Variants in ESYT1 observed in about 807,000 individuals in gnomAD.
ESYT1 encodes the protein extended synaptotagmin-1.
In ESYT1, 116 loss-of-function variants were observed where a neutral mutation model predicts 154.2. That is an observed-to-expected ratio of 0.75 (90% confidence interval 0.65 to 0.88). ESYT1 has a LOEUF of 0.88. ESYT1 is among the 40% of genes least tolerant of loss of function. The pLI, the probability that ESYT1 is intolerant of heterozygous loss-of-function variation, is 0.00. For synonymous variants in ESYT1, 500 were observed against 539.9 expected (o/e 0.93, Z 1.02); for missense variants, 1,264 against 1,379.3 (o/e 0.92, Z 1.32).
chr12:56,131,608 C>T, intron 6 of ESYT1, 42 bp downstream of exon 6: 3 of 1,609,848 alleles, frequency 1.9e-6, no homozygotes, highest in Non-Finnish European at 2.5e-6. Flanking sequence ...GCAGGAGAAA[C>T]AGAGGACTGG....
rs148777795 is a variant in ESYT1 at position 56,128,456 on chromosome 12, G to C, written c.137G>C (p.Gly46Ala). 5.6e-6 allele frequency: 9 copies of C among 1,611,596 alleles called. No individual in the cohort carries two copies. The African/African-American group carries it at 1.2e-4, about 22-fold the overall frequency. The change falls in exon 1 of 31, where the codon GGC (glycine) becomes GCC (alanine). Residue 46 changes from glycine (G) to alanine (A), a missense_variant. Gly to Ala is a moderately conservative substitution (Grantham distance 60). Coordinates refer to ENST00000394048, the MANE Select transcript of ESYT1 (RefSeq NM_015292.3). ...PGSGGQPAGPGAAGEALAVLT... is the reference protein window; with the variant it reads ...PGSGGQPAGPAAAGEALAVLT... ...TCTGGGGGCCAACCTGCTGGCCCTG[G>C]CGCGGCGGGTGAGGCCCTGGCGGTG...
Position 56,132,766 on chromosome 12 carries a change from C to A in ESYT1, c.1209C>A (p.Phe403Leu). The change falls in exon 10 of 31, where the codon TTC becomes TTA. Residue 403 changes from phenylalanine (F) to leucine (L), a missense_variant. Transcript: ENST00000394048. ...GGCAGGAGATTGAAGTGGAGGTGTT[C>A]GACAAGGATCCAGATAAAGATGACT... ...VPGQEIEVEVFDKDPDKDDFL... is the reference protein window; with the variant it reads ...VPGQEIEVEVLDKDPDKDDFL... 2.5e-6 allele frequency: 4 copies of A among 1,614,036 alleles called. No homozygotes were observed. The highest frequency in any genetic ancestry group is 3.4e-6 in the Non-Finnish European group (4 of 1,180,004).
intron 24 of ESYT1, among the ~76,000 whole-genome samples, chr12:56,139,911 A>C: frequency 6.9e-6 from 1 of 144,402 alleles, no homozygotes; most frequent in Admixed American, 6.8e-5. Context: ...ACAGGGTCTT[A>C]CTCTGTCGCC....
chr12:56,129,057 C>G (rs1316148007), intron 1 of ESYT1, among the ~76,000 whole-genome samples: 1 of 152,226 alleles, frequency 6.6e-6, no homozygotes, highest in Non-Finnish European at 1.5e-5. Context: ...TTTGGTGCCA[C>G]TCGCGGCTTT....
intron 24 of ESYT1, 40 bp downstream of exon 24, chr12:56,139,053 GC>G (rs1255375387): frequency 6.6e-7 from 1 of 1,507,380 alleles, no homozygotes; most frequent in Non-Finnish European, 9.2e-7. Context: ...GCAGATTTCT[GC>G]CATGGCCAGG....
chr12:56,132,088 G>A, intron 7 of ESYT1, 121 bp from the exon 8 acceptor site: 1 of 1,476,060 alleles, frequency 6.8e-7, no homozygotes. Context: ...TAGCACAAAG[G>A]ATTTTCACAA....
chr12:56,130,304 G>A (rs1057131124), intron 1 of ESYT1: 11 of 532,234 alleles, frequency 2.1e-5, no homozygotes, highest in Non-Finnish European at 3.0e-5. Context: ...TCCTCCTCCC[G>A]CTCCTCTCTC....
intron 1 of ESYT1, among the ~76,000 whole-genome samples, chr12:56,129,982 G>A (rs554632565): frequency 6.6e-5 from 10 of 151,858 alleles, no homozygotes; most frequent in East Asian, 5.8e-4. Context: ...GCAGTGGCCC[G>A]AACTTGGCAC....
chr12:56,133,432 A>G lies in ESYT1; in HGVS notation c.1260A>G (p.Val420=). 1 of 1,614,198 alleles carries G rather than the reference A, an allele frequency of 6.2e-7. No homozygotes were observed. The highest frequency in any genetic ancestry group is 8.5e-7 in the Non-Finnish European group (1 of 1,180,036). ...CAACCCTCAGAATGAAGCTGGATGT[A>G]GGGAAGGTGTTACAGGCTAGCGTTC... ...DDFLGRMKLD[V]GKVLQASVLD... Residue 420 remains valine, a synonymous_variant, in exon 11 of 31, where the codon GTA becomes GTG. Transcript: ENST00000394048.
In ESYT1 at chr12:56,136,785, G is replaced by C. The variant is rs774059944; in HGVS notation, c.1674G>C (p.Thr558=). Residue 558 remains threonine (T), a synonymous_variant, in exon 16 of 31, where the codon ACG becomes ACC. Transcript: ENST00000394048. ...GGGCCCTGACTTTAGGAGCACTGACGCTGCCTCTGGCCCGCCTGCTGACTG... is the reference window on the plus strand; with the variant it reads ...GGGCCCTGACTTTAGGAGCACTGACCCTGCCTCTGGCCCGCCTGCTGACTG... ...DSRALTLGAL[T]LPLARLLTAP... is the part of the protein sequence containing the mutation. 6.2e-7 allele frequency: 1 copy of C among 1,612,432 alleles called. No individual in the cohort carries two copies. Among genetic ancestry groups the C allele is most frequent in the Non-Finnish European group, 8.5e-7 (1 of 1,179,022 alleles).
intron 24 of ESYT1, among the ~76,000 whole-genome samples, chr12:56,141,329 G>A (rs1870675246): frequency 6.6e-6 from 1 of 152,216 alleles, no homozygotes; most frequent in Admixed American, 6.5e-5. Context: ...AAACAGGAGG[G>A]TTTTAAAGGT....
chr12:56,129,707 C>T (rs1870152219), intron 1 of ESYT1: 2 of 152,248 alleles, frequency 1.3e-5, no homozygotes, highest in African/African-American at 2.4e-5. Flanking sequence ...CTTCCTACCC[C>T]CAATACAAAG....
At chr12:56,143,413 G>A (rs1435521384) in intron 29 of ESYT1, 80 bp downstream of exon 29, 3 of 1,511,794 alleles carry the variant, frequency 2.0e-6, no homozygotes, top group Non-Finnish European at 2.7e-6. Flanking sequence ...GAGGAAGGAA[G>A]TACCCCACGT....
At chr12:56,131,393 G>A in intron 5 of ESYT1, 77 bp downstream of exon 5, 2 of 1,609,702 alleles carry the variant, frequency 1.2e-6, no homozygotes, top group Non-Finnish European at 1.7e-6. Flanking sequence ...GTGTGAGGTT[G>A]GAAAGACCAA....
chr12:56,139,024 T>A lies in ESYT1; in HGVS notation c.2592+11T>A. 1.1e-5 allele frequency: 17 copies of A among 1,604,236 alleles called. No individual in the cohort carries two copies. The highest frequency in any genetic ancestry group is 1.5e-5 in the Non-Finnish European group (17 of 1,171,040). ...AGCCTAGAGTTGCAGGTACTGTAAA[T>A]TCATTCTTCAAATATTTAGCAGATT... is the stretch of plus-strand genomic sequence containing the variant. On this transcript the variant is annotated intron_variant, in intron 24 of 30. Coordinates refer to ENST00000394048, the MANE Select transcript of ESYT1 (RefSeq NM_015292.3).
At position 56,131,519 on chromosome 12, in the gene ESYT1, G is replaced by A. The variant is rs1431440608; in HGVS notation, c.757G>A (p.Asp253Asn). Residue 253 changes from aspartate (D) to asparagine (N), a missense_variant, in exon 6 of 31, where the codon GAC becomes AAC. Physicochemically the swap from Asp to Asn is conservative, Grantham distance 23. Coordinates refer to ENST00000394048, the MANE Select transcript of ESYT1 (RefSeq NM_015292.3). ...GGTGATACTGGAGCCACTCATTGGG[G>A]ACCTTCCCTTCGTGGGGGCTGTGTC... ...LRVILEPLIG[D>N]LPFVGAVSMF... 3.1e-6 allele frequency: 5 copies of A among 1,614,130 alleles called. No homozygotes were observed. The Admixed American group carries it at 6.7e-5, about 22-fold the overall frequency.
At chr12:56,138,129 T>C in intron 20 of ESYT1, 54 bp from the exon 21 acceptor site, 1 of 1,613,644 alleles carries the variant, frequency 6.2e-7, no homozygotes, top group Non-Finnish European at 8.5e-7. Context: ...AGCTTCATTC[T>C]CAAAGTTCTC....
intron 24 of ESYT1, among the ~76,000 whole-genome samples, chr12:56,140,173 G>A (rs1454394818): frequency 6.6e-6 from 1 of 151,824 alleles, no homozygotes; most frequent in Admixed American, 6.6e-5. Flanking sequence ...CAGCCTAAGG[G>A]TAGATTTACT....
Position 56,142,883 on chromosome 12 carries a change from G to A in ESYT1, c.2937G>A (p.Leu979=). ...AGPLGQVKLT[L]WYYSEERKLV... ...CTCTGGGCCAGGTGAAACTGACTCT[G>A]TGGTACTACAGTGAAGAACGAAAGC... Residue 979 remains leucine (L), a synonymous_variant, in exon 27 of 31, where the codon CTG becomes CTA. Transcript: ENST00000394048. The surrounding 1 kb of genome is among the most constrained non-coding windows in gnomAD (Gnocchi z 4.1). The A allele has an allele frequency of 1.2e-6, 2 of 1,614,228 alleles. No individual in the cohort carries two copies. Among genetic ancestry groups the A allele is most frequent in the Non-Finnish European group, 1.7e-6 (2 of 1,180,046 alleles).
Sources: allele counts gnomAD v4.1 joint callset (sites outside exome capture counted in the v4.1 genomes callset), GRCh38; gene constraint gnomAD v4.1.1; non-coding constraint Gnocchi (gnomAD v3.1); transcripts MANE v1.5; gene names NCBI Gene and HGNC (gene_info 2026-07-23, HGNC 2026-07-21).